The following RMND1 variants were observed in gnomAD, a reference collection of about 807,000 sequenced individuals.
RMND1 encodes the protein required for meiotic nuclear division 1 homolog.
RMND1 carries 41 observed loss-of-function variants against 54.0 expected under a neutral mutation model. The ratio of observed to expected loss-of-function variants is 0.76; its 90% CI spans 0.59 to 0.98. RMND1 has a LOEUF of 0.98. RMND1 is among the 50% of genes least tolerant of loss of function. The pLI, the probability that RMND1 is intolerant of heterozygous loss-of-function variation, is 0.00. For missense variants in RMND1, 457 were observed against 532.0 expected (o/e 0.86, Z 1.39); for synonymous variants, 183 against 181.7 (o/e 1.01, Z -0.06).
chr6:151,439,450 G>A (rs1255638235), intron 2 of RMND1, among the ~76,000 whole-genome samples: 1 of 152,116 alleles, frequency 6.6e-6, no homozygotes, highest in East Asian at 1.9e-4. Context: ...ATCCCACCCG[G>A]ATTTACATTT....
At chr6:151,440,288 G>C (rs920357355) in intron 2 of RMND1, among the ~76,000 whole-genome samples, 2 of 152,132 alleles carry the variant, frequency 1.3e-5, no homozygotes, top group African/African-American at 2.4e-5. Flanking sequence ...TAAAAGGTCA[G>C]TTTTAAAAAC....
chr6:151,430,321 T>A (rs1294546165), intron 4 of RMND1, 144 bp from the exon 5 acceptor site: 2 of 559,788 alleles, frequency 3.6e-6, no homozygotes, highest in East Asian at 5.6e-5. Flanking sequence ...GATATTATGG[T>A]CCTTAGGTGA....
intron 10 of RMND1, among the ~76,000 whole-genome samples, chr6:151,413,437 A>T (rs901833849): frequency 1.2e-4 from 19 of 152,148 alleles, no homozygotes; most frequent in African/African-American, 4.6e-4. Flanking sequence ...ATGGGGTTTC[A>T]CCATGTTGGC....
At chr6:151,421,942 C>G (rs770302516) in intron 8 of RMND1, among the ~76,000 whole-genome samples, 14 of 151,702 alleles carry the variant, frequency 9.2e-5, no homozygotes, top group Non-Finnish European at 1.9e-4. Flanking sequence ...TGGCCAGACC[C>G]CATTTCAATT....
intron 9 of RMND1, among the ~76,000 whole-genome samples, chr6:151,418,825 T>C (rs113571871): frequency 0.23 from 35,287 of 150,756 alleles, 6,435 homozygotes; most frequent in African/African-American, 0.52. Context: ...GGCTGGAGTG[T>C]ATTGGCGCGA....
chr6:151,407,765 G>A (rs140470711), intron 10 of RMND1, among the ~76,000 whole-genome samples: 194 of 152,138 alleles, frequency 1.3e-3, no homozygotes, highest in African/African-American at 4.5e-3. Context: ...AAAATTATCC[G>A]GGTGTTGTGG....
intron 2 of RMND1, among the ~76,000 whole-genome samples, chr6:151,442,755 G>C (rs1780821411): frequency 1.3e-5 from 2 of 149,850 alleles, no homozygotes; most frequent in African/African-American, 4.9e-5. Flanking sequence ...TGCCAGGCTG[G>C]TCTTCAACTC....
chr6:151,424,943 C>A (rs1423236549), intron 6 of RMND1, among the ~76,000 whole-genome samples: 1 of 152,104 alleles, frequency 6.6e-6, no homozygotes, highest in Non-Finnish European at 1.5e-5. Flanking sequence ...ACAGCAGTCA[C>A]AAGAGGTCTT....
chr6:151,424,229 G>A (rs1425177104), intron 6 of RMND1, among the ~76,000 whole-genome samples: 1 of 152,088 alleles, frequency 6.6e-6, no homozygotes, highest in Non-Finnish European at 1.5e-5. Flanking sequence ...GGGAGGCCGA[G>A]GCAGGTGGAT....
intron 9 of RMND1, 46 bp from the exon 10 acceptor site, chr6:151,417,445 A>T (rs1457280212): frequency 6.9e-7 from 1 of 1,451,534 alleles, no homozygotes. Context: ...TGAATTAAAA[A>T]TCATTGTTTC....
chr6:151,424,554 C>T (rs547828222), intron 6 of RMND1, among the ~76,000 whole-genome samples: 1 of 151,544 alleles, frequency 6.6e-6, no homozygotes, highest in East Asian at 2.0e-4. Flanking sequence ...AGTCACTCCA[C>T]ACAAGAAAAA....
chr6:151,416,225 C>T (rs1199107138), intron 10 of RMND1, among the ~76,000 whole-genome samples: 2 of 152,036 alleles, frequency 1.3e-5, no homozygotes, highest in Non-Finnish European at 2.9e-5. Flanking sequence ...GTGATCTGCC[C>T]ACCTCTAGCC....
chr6:151,407,293 T>A (rs991690558), intron 10 of RMND1, among the ~76,000 whole-genome samples: 46 of 152,054 alleles, frequency 3.0e-4, no homozygotes, highest in African/African-American at 1.1e-3. Flanking sequence ...CTCTTCCCTC[T>A]TCCTTTCCCC....
chr6:151,420,454 A>G (rs187517811), intron 9 of RMND1, among the ~76,000 whole-genome samples: 14 of 152,216 alleles, frequency 9.2e-5, no homozygotes, highest in Non-Finnish European at 1.5e-5. Flanking sequence ...TAGAAGGGAT[A>G]AACTGGACAA....
In RMND1 at chr6:151,417,265, T is replaced by G; in HGVS notation, c.1200+14A>C. The G allele has an allele frequency of 6.3e-7, 1 of 1,597,702 alleles. No individual in the cohort carries two copies. ...ACGTGTCTTTTTCTCTCATTAGAAG[T>G]GCAAAATACGTACCTTAACTCTTCG... On this transcript the variant is annotated intron_variant, in intron 10 of 11. Coordinates refer to ENST00000444024, the MANE Select transcript of RMND1 (RefSeq NM_017909.4).
chr6:151,445,555 G>A lies in RMND1; in HGVS notation c.257C>T (p.Ala86Val), dbSNP rs746842151. The change falls in exon 2 of 12, where the codon GCT becomes GTT. Residue 86 changes from alanine to valine, a missense_variant. Transcript: ENST00000444024. ...GTGTGCCTTTTCATCTTGGCAACGAGCAGCATTTAATGGAGACAGCATGCT... is the reference window on the plus strand; with the variant it reads ...GTGTGCCTTTTCATCTTGGCAACGAACAGCATTTAATGGAGACAGCATGCT... The part of the protein sequence containing the change: ...DTSMLSPLNA[A>V]RCQDEKAHLP... 43 of 1,614,122 alleles carry A rather than the reference G, an allele frequency of 2.7e-5. No homozygotes were observed. In the Admixed American group the frequency reaches 6.8e-4, roughly 26 times the overall value.
At chr6:151,419,068 C>T (rs1014013655) in intron 9 of RMND1, among the ~76,000 whole-genome samples, 1 of 147,382 alleles carries the variant, frequency 6.8e-6, no homozygotes, top group Non-Finnish European at 1.5e-5. Flanking sequence ...CCGTGCCCAG[C>T]CTTTTTCTTT....
chr6:151,405,925 C>A, intron 10 of RMND1, 89 bp from the exon 11 acceptor site: 1 of 644,312 alleles, frequency 1.6e-6, no homozygotes, highest in South Asian at 2.0e-5. Flanking sequence ...GTGAAAAATC[C>A]TGCTCCTCAG....
At chr6:151,429,516 A>G (rs569278157) in intron 5 of RMND1, among the ~76,000 whole-genome samples, 2 of 151,574 alleles carry the variant, frequency 1.3e-5, no homozygotes, top group South Asian at 4.2e-4. Flanking sequence ...GATCTATAGT[A>G]TATCTGTAGT....
Sources: gnomAD v4.1 joint callset for allele counts (sites outside exome capture counted in the v4.1 genomes callset) on GRCh38, gnomAD v4.1.1 for gene constraint, MANE v1.5 for transcripts, NCBI Gene and HGNC (gene_info 2026-07-23, HGNC 2026-07-21) for gene names.